Variants in PPHLN1 observed in about 807,000 individuals in gnomAD.
The protein encoded by PPHLN1 is periphilin 1, also known as periphilin-1.
In PPHLN1, 29 loss-of-function variants were observed where a neutral mutation model predicts 51.3. That is an observed-to-expected ratio of 0.57 (90% CI 0.42 to 0.77). The LOEUF (loss-of-function observed/expected upper bound fraction) is 0.77, where lower values mean the gene tolerates loss of function less well. Ranked by LOEUF, PPHLN1 falls within the 30% of genes least tolerant of loss-of-function variation. The pLI is 0.00. For missense variants in PPHLN1, 436 were observed against 438.4 expected (o/e 0.99, Z 0.05); for synonymous variants, 147 against 147.8 (o/e 0.99, Z 0.04).
intron 5 of PPHLN1, among the ~76,000 whole-genome samples, chr12:42,378,463 T>A (rs1036553298): frequency 1.3e-5 from 2 of 152,122 alleles, no homozygotes; most frequent in African/African-American, 4.8e-5. Flanking sequence ...TCTGCACTTA[T>A]CAGTCACTTA....
chr12:42,447,445 C>T (rs2083366893), downstream of PPHLN1: 1 of 152,148 alleles, frequency 6.6e-6, no homozygotes, highest in Non-Finnish European at 1.5e-5. Context: ...CACAGCTACC[C>T]CTTACCAAGC....
intron 5 of PPHLN1, among the ~76,000 whole-genome samples, chr12:42,379,224 T>C (rs2138879059): frequency 6.6e-6 from 1 of 152,124 alleles, no homozygotes; most frequent in Non-Finnish European, 1.5e-5. Flanking sequence ...AAGTTCAGTC[T>C]CCCACACCCA....
intron 4 of PPHLN1, among the ~76,000 whole-genome samples, chr12:42,373,006 C>T (rs1204136439): frequency 6.6e-6 from 1 of 152,206 alleles, no homozygotes; most frequent in Admixed American, 6.5e-5. Context: ...CCCTCACCTG[C>T]TCCTGTCCCA....
intron 1 of PPHLN1, among the ~76,000 whole-genome samples, chr12:42,333,200 C>A (rs915371890): frequency 2.6e-5 from 4 of 151,828 alleles, no homozygotes; most frequent in Non-Finnish European, 5.9e-5. Flanking sequence ...AAATGGTTTG[C>A]AAAAATACTC....
At chr12:42,429,360 A>G (rs1180510543) in intron 9 of PPHLN1, among the ~76,000 whole-genome samples, 2 of 152,152 alleles carry the variant, frequency 1.3e-5, no homozygotes, top group Non-Finnish European at 2.9e-5. Context: ...TAAGTCTAAG[A>G]ATTTGGTCTT....
At chr12:42,393,187 C>T (rs954223459) in intron 7 of PPHLN1, among the ~76,000 whole-genome samples, 2 of 152,122 alleles carry the variant, frequency 1.3e-5, no homozygotes, top group African/African-American at 4.8e-5. Context: ...TAGGAGTTTG[C>T]TTTACTGAAA....
intron 9 of PPHLN1, among the ~76,000 whole-genome samples, chr12:42,430,005 GT>G (rs61620539): frequency 0.16 from 24,625 of 152,092 alleles, 2,034 homozygotes; most frequent in Admixed American, 0.2. Context: ...TTAAAGTGAT[GT>G]GTCTTTTTGT....
At chr12:42,334,999 T>C (rs982368803) in intron 1 of PPHLN1, among the ~76,000 whole-genome samples, 1 of 152,216 alleles carries the variant, frequency 6.6e-6, no homozygotes, top group Admixed American at 6.5e-5. Flanking sequence ...GAAGAAAAAT[T>C]TGCCAACTTC....
At chr12:42,423,380 C>T (rs2081167396) in intron 9 of PPHLN1, among the ~76,000 whole-genome samples, 2 of 151,854 alleles carry the variant, frequency 1.3e-5, no homozygotes, top group South Asian at 4.2e-4. Context: ...TACCTGATAC[C>T]ACAGTTCCTA....
At chr12:42,430,201 CTG>C (rs1253584648) in intron 9 of PPHLN1, among the ~76,000 whole-genome samples, 8 of 152,098 alleles carry the variant, frequency 5.3e-5, no homozygotes, top group Non-Finnish European at 1.0e-4. Context: ...ATCTAATCAA[CTG>C]TGTTTTTGTG....
chr12:42,383,567 G>GA (rs1201634416), intron 5 of PPHLN1, among the ~76,000 whole-genome samples: 8 of 152,176 alleles, frequency 5.3e-5, no homozygotes, highest in African/African-American at 1.7e-4. Flanking sequence ...ATAAGGCTCT[G>GA]AACAGTTGCT....
In PPHLN1 at chr12:42,378,084, A is replaced by C. The variant is rs113374720; in HGVS notation, c.511+3010A>C. On this transcript the variant is annotated intron_variant, in intron 5 of 9. Transcript: ENST00000358314. ...AATGCCTGCATCTAGCTATCTATCT[A>C]TCTTTCTCTTTCTTTCTTTCTTTCT... Among the ~76,000 whole-genome samples the C allele has an allele frequency of 2.9e-3, 364 of 124,804 alleles. 1 individual carries two copies. Among genetic ancestry groups the C allele is most frequent in the East Asian group, 7.4e-3 (31 of 4,206 alleles). The allele number at this position is 124,804 out of a possible 152,430, so 81.9% of individuals were successfully genotyped here.
At chr12:42,445,916 G>A, downstream of PPHLN1, 1 of 1,450,674 alleles carries the variant, frequency 6.9e-7, no homozygotes, top group East Asian at 2.5e-5. Flanking sequence ...ATATGGCATG[G>A]TCCAAATGTT....
chr12:42,418,211 C>CT (rs60029170), intron 9 of PPHLN1, among the ~76,000 whole-genome samples: 1,612 of 98,300 alleles, frequency 0.016, 120 homozygotes, highest in African/African-American at 0.064. Context: ...TCCCGGCCCT[C>CT]TTTTTTTTTT....
At chr12:42,403,907 T>A (rs2079055289) in intron 9 of PPHLN1, among the ~76,000 whole-genome samples, 1 of 152,226 alleles carries the variant, frequency 6.6e-6, no homozygotes, top group Admixed American at 6.5e-5. Flanking sequence ...TGTCCCATGC[T>A]ACTCAATTTT....
intron 4 of PPHLN1, among the ~76,000 whole-genome samples, chr12:42,363,195 G>T (rs1262716237): frequency 1.3e-5 from 2 of 152,128 alleles, no homozygotes; most frequent in Non-Finnish European, 2.9e-5. Flanking sequence ...TGTAGGTAAG[G>T]CAAAGTCAAA....
chr12:42,437,325 C>T (rs990283202), intron 9 of PPHLN1, among the ~76,000 whole-genome samples: 1 of 152,164 alleles, frequency 6.6e-6, no homozygotes, highest in Non-Finnish European at 1.5e-5. Flanking sequence ...GTTGTTTCTC[C>T]TCTTTCCATC....
intron 9 of PPHLN1, among the ~76,000 whole-genome samples, chr12:42,418,982 A>G (rs1322104579): frequency 1.3e-5 from 2 of 152,160 alleles, no homozygotes; most frequent in Non-Finnish European, 2.9e-5. Flanking sequence ...ATATTATTAT[A>G]ATTCCCGCAT....
intron 9 of PPHLN1, chr12:42,432,267 A>G: frequency 1.3e-6 from 1 of 766,834 alleles, no homozygotes; most frequent in East Asian, 2.4e-5. Flanking sequence ...GGGCCCTGAC[A>G]ACCTCTGCCT....
Sources: gnomAD v4.1 joint callset for allele counts (sites outside exome capture counted in the v4.1 genomes callset) on GRCh38, gnomAD v4.1.1 for gene constraint, MANE v1.5 for transcripts, NCBI Gene and HGNC (gene_info 2026-07-23, HGNC 2026-07-21) for gene names.